RASGEF1C: variants seen among roughly 807,000 people sequenced by gnomAD.
RASGEF1C encodes ras-GEF domain-containing family member 1C.
A neutral mutation model predicts 58.1 loss-of-function variants in RASGEF1C; 27 were observed. That is an observed-to-expected ratio of 0.46 (90% CI 0.34 to 0.64). The LOEUF (loss-of-function observed/expected upper bound fraction) is 0.64, where lower values mean the gene tolerates loss of function less well. Among genes scored for constraint, RASGEF1C ranks in the 30% least tolerant of loss-of-function variants. The pLI, the probability that RASGEF1C is intolerant of heterozygous loss-of-function variation, is 0.01. For synonymous variants in RASGEF1C, 243 were observed against 246.3 expected (o/e 0.99, Z 0.13); for missense variants, 502 against 605.1 (o/e 0.83, Z 1.79).
chr5:180,130,317 C>G (rs919293224), intron 4 of RASGEF1C, among the ~76,000 whole-genome samples: 3 of 152,204 alleles, frequency 2.0e-5, no homozygotes, highest in Non-Finnish European at 4.4e-5. Context: ...GGAACGACCC[C>G]TCTCAGGAAG....
chr5:180,106,551 T>C (rs1313575686), intron 12 of RASGEF1C, among the ~76,000 whole-genome samples: 1 of 152,242 alleles, frequency 6.6e-6, no homozygotes, highest in African/African-American at 2.4e-5. Flanking sequence ...AGTGTGTCAT[T>C]TAATTTCTAA....
Position 180,101,388 on chromosome 5 carries a change from G to T in RASGEF1C, c.*113C>A. 7.7e-7 allele frequency: 1 copy of T among 1,298,582 alleles called. No homozygotes were observed. Among genetic ancestry groups the T allele is most frequent in the Non-Finnish European group, 1.1e-6 (1 of 925,352 alleles). 80.4% of individuals were successfully genotyped at this position (1,298,582 alleles called of 1,614,324 possible). On this transcript the variant is annotated 3_prime_UTR_variant, in exon 14 of 14. Transcript: ENST00000361132. ...GGGCGGGCAGCAGGCCACAGGGTCG[G>T]CATTTGCAAAATAGTGAGGCACTCC...
chr5:180,127,526 C>CAG, intron 6 of RASGEF1C, 83 bp downstream of exon 6: 1 of 1,395,874 alleles, frequency 7.2e-7, no homozygotes, highest in Non-Finnish European at 9.6e-7. Flanking sequence ...AGCGCTCGCC[C>CAG]AGAGAAGGCT....
intron 1 of RASGEF1C, among the ~76,000 whole-genome samples, chr5:180,160,590 G>C (rs1258115224): frequency 6.6e-6 from 1 of 152,156 alleles, no homozygotes; most frequent in Non-Finnish European, 1.5e-5. Flanking sequence ...TTGCCTCTGG[G>C]AAGGAAAATT....
At chr5:180,108,899 A>G (rs558081485) in intron 12 of RASGEF1C, among the ~76,000 whole-genome samples, 2 of 152,310 alleles carry the variant, frequency 1.3e-5, no homozygotes, top group Admixed American at 6.5e-5. Context: ...GACAGAAGGA[A>G]GAGACAGTAA....
chr5:180,157,213 C>T (rs1403812862), intron 1 of RASGEF1C, among the ~76,000 whole-genome samples: 1 of 152,236 alleles, frequency 6.6e-6, no homozygotes, highest in Admixed American at 6.5e-5. Context: ...AACCTACACA[C>T]AGGTGTTTCT....
At chr5:180,165,540 A>G (rs532031243) in intron 1 of RASGEF1C, among the ~76,000 whole-genome samples, 44 of 151,506 alleles carry the variant, frequency 2.9e-4, no homozygotes, top group African/African-American at 8.9e-4. Flanking sequence ...GCATTGTGGC[A>G]TGGGCCTGTA....
intron 12 of RASGEF1C, among the ~76,000 whole-genome samples, chr5:180,103,165 CCTCCCGGGTT>C (rs1765819947): frequency 6.6e-6 from 1 of 152,152 alleles, no homozygotes. Context: ...GCAAGCTCTG[CCTCCCGGGTT>C]CACACCATTC....
intron 12 of RASGEF1C, among the ~76,000 whole-genome samples, chr5:180,107,033 T>C (rs1416585312): frequency 6.6e-6 from 1 of 152,230 alleles, no homozygotes; most frequent in Non-Finnish European, 1.5e-5. Flanking sequence ...TTGTTTCTGG[T>C]AATTTTCTTT....
chr5:180,203,528 C>G (rs868734816), intron 1 of RASGEF1C, among the ~76,000 whole-genome samples: 2 of 152,348 alleles, frequency 1.3e-5, no homozygotes, highest in Non-Finnish European at 2.9e-5. Flanking sequence ...AAATCCTTCC[C>G]TAGCTGAGTC....
intron 6 of RASGEF1C, among the ~76,000 whole-genome samples, chr5:180,126,864 C>T (rs1429800205): frequency 6.6e-6 from 1 of 152,176 alleles, no homozygotes; most frequent in Non-Finnish European, 1.5e-5. Context: ...TTTAGAGCGT[C>T]GATGCTAGTG....
intron 12 of RASGEF1C, 72 bp downstream of exon 12, chr5:180,111,385 C>T: frequency 1.2e-6 from 2 of 1,605,420 alleles, no homozygotes; most frequent in Admixed American, 3.3e-5. Flanking sequence ...AGCAGGGGTC[C>T]TGAATGGTGA....
At chr5:180,185,501 C>A (rs1756019581) in intron 1 of RASGEF1C, among the ~76,000 whole-genome samples, 1 of 151,934 alleles carries the variant, frequency 6.6e-6, no homozygotes, top group Non-Finnish European at 1.5e-5. Flanking sequence ...AGGAGAATCA[C>A]CTTTACCCGG....
intron 11 of RASGEF1C, among the ~76,000 whole-genome samples, chr5:180,112,889 G>GGATGGACGGAGGGACCGT (rs1765982322): frequency 6.7e-6 from 1 of 149,488 alleles, no homozygotes; most frequent in Admixed American, 6.7e-5. Flanking sequence ...GGAGGGACCG[G>GGATGGACGGAGGGACCGT]GGATGGACGG....
chr5:180,143,150 GAGAC>G lies in RASGEF1C; in HGVS notation c.-6-5096_-6-5093del, dbSNP rs1445411728. Among the ~76,000 whole-genome samples, 2 of 152,156 alleles carry G rather than the reference GAGAC, an allele frequency of 1.3e-5. No individual in the cohort carries two copies. The highest frequency in any genetic ancestry group is 1.9e-4 in the East Asian group (1 of 5,172). On this transcript the variant is annotated intron_variant, in intron 1 of 13. Transcript: ENST00000361132. This position sits in a 1 kb window ranked among gnomAD's most constrained non-coding sequence, Gnocchi z 4.3. ...GATTGTGTGGGGTCAGGTCTGCAGAGAGACAGGCAGACAGGGGACAGGATCCCAC... is the reference window on the plus strand; with the variant it reads ...GATTGTGTGGGGTCAGGTCTGCAGAGAGGCAGACAGGGGACAGGATCCCAC...
chr5:180,170,597 ACCTGCCAAAGTCAC>A (rs1254699316), intron 1 of RASGEF1C, among the ~76,000 whole-genome samples: 1 of 152,062 alleles, frequency 6.6e-6, no homozygotes, highest in Admixed American at 6.5e-5. Flanking sequence ...CCCTCCTGAG[ACCTGCCAAAGTCAC>A]CATCTGGTTT....
chr5:180,188,945 A>C (rs1756096462), intron 1 of RASGEF1C, among the ~76,000 whole-genome samples: 1 of 152,218 alleles, frequency 6.6e-6, no homozygotes, highest in Non-Finnish European at 1.5e-5. Context: ...AGTCTAGTAT[A>C]ATAAGACAAA....
chr5:180,128,559 C>A lies in RASGEF1C; in HGVS notation c.490G>T (p.Ala164Ser), dbSNP rs1366148105. 1 of 1,614,098 alleles carries A rather than the reference C, an allele frequency of 6.2e-7. No individual in the cohort carries two copies. Among genetic ancestry groups the A allele is most frequent in the Admixed American group, 1.7e-5 (1 of 60,032 alleles). The change falls in exon 5 of 14, where the codon GCG becomes TCG. Residue 164 changes from alanine to serine, a missense_variant. Transcript: ENST00000361132. Reference sequence around the variant, plus strand: ...CCTTCTGGCCCCTGGCGCAGAGCCGCCAGCTTCTGGTGCAGAGCCTGTAGG... The same window carrying A: ...CCTTCTGGCCCCTGGCGCAGAGCCGACAGCTTCTGGTGCAGAGCCTGTAGG... ...QLLQALHQKL[A>S]ALRQGPEGLV...
At chr5:180,113,867 TGGAG>T (rs1027636857) in intron 11 of RASGEF1C, among the ~76,000 whole-genome samples, 1 of 151,664 alleles carries the variant, frequency 6.6e-6, no homozygotes, top group African/African-American at 2.4e-5. Flanking sequence ...CGAGGATAGA[TGGAG>T]GGATCGAGGA....
Sources: allele counts gnomAD v4.1 joint callset (sites outside exome capture counted in the v4.1 genomes callset), GRCh38; gene constraint gnomAD v4.1.1; non-coding constraint Gnocchi (gnomAD v3.1); transcripts MANE v1.5; gene names NCBI Gene and HGNC (gene_info 2026-07-23, HGNC 2026-07-21).